PRPSAP2: variants seen among roughly 807,000 people sequenced by gnomAD.
PRPSAP2 encodes phosphoribosyl pyrophosphate synthetase associated protein 2.
In PRPSAP2, 24 loss-of-function variants were observed where a neutral mutation model predicts 40.6. The observed-to-expected ratio is 0.59, with a 90% CI of 0.43 to 0.83. The LOEUF is 0.83. Ranked by LOEUF, PRPSAP2 falls within the 40% of genes least tolerant of loss-of-function variation. The probability of loss-of-function intolerance (pLI) is 0.00; values close to 1 mark genes in which losing one functional copy is unlikely to be tolerated. For synonymous variants in PRPSAP2, 149 were observed against 164.7 expected, an observed-to-expected ratio of 0.90 and a Z score of 0.73; for missense variants, 292 against 465.6, an observed-to-expected ratio of 0.63 and a Z score of 3.43.
chr17:18,889,832 A>G lies in PRPSAP2; in HGVS notation c.539A>G (p.Tyr180Cys). ...TCTTGTCTGTCACAGATCCCAGATT[A>G]CAGGAATGCAGTAATCGTGGCCAAG... is the stretch of plus-strand genomic sequence containing the variant. ...LQYIQEEIPD[Y>C]RNAVIVAKSP... The change falls in exon 8 of 12, where the codon TAC becomes TGC. Residue 180 changes from tyrosine to cysteine, a missense_variant. Physicochemically the swap from Tyr to Cys is radical, Grantham distance 194. This residue lies in a region of PRPSAP2 where 241 missense variants were observed against 425.7 expected (regional missense o/e 0.57). Coordinates refer to ENST00000268835, the MANE Select transcript of PRPSAP2 (RefSeq NM_002767.4). 1.2e-6 allele frequency: 2 copies of G among 1,609,372 alleles called. No individual in the cohort carries two copies. The highest frequency in any genetic ancestry group is 1.7e-6 in the Non-Finnish European group (2 of 1,177,788).
intron 1 of PRPSAP2, chr17:18,860,479 A>G (rs546905230): frequency 6.6e-6 from 1 of 152,350 alleles, no homozygotes; most frequent in African/African-American, 2.4e-5. Context: ...TGGCAGCTGC[A>G]CAGGGTATAC....
At chr17:18,925,114 C>T (rs2041902311) in intron 10 of PRPSAP2, among the ~76,000 whole-genome samples, 1 of 151,320 alleles carries the variant, frequency 6.6e-6, no homozygotes, top group Admixed American at 6.6e-5. Context: ...AGTGAGATTC[C>T]ATCTCAAAAG....
At chr17:18,899,676 A>C (rs142848596) in intron 8 of PRPSAP2, among the ~76,000 whole-genome samples, 58 of 150,852 alleles carry the variant, frequency 3.8e-4, no homozygotes, top group African/African-American at 1.4e-3. Context: ...CTACAGGTGC[A>C]TGCCACCGTG....
intron 1 of PRPSAP2, among the ~76,000 whole-genome samples, chr17:18,863,831 C>CTTTT (rs34770102): frequency 0.011 from 947 of 85,982 alleles, 15 homozygotes; most frequent in African/African-American, 0.033. Flanking sequence ...ACTGCGTGGC[C>CTTTT]TTTTTTTTTT....
intron 9 of PRPSAP2, among the ~76,000 whole-genome samples, chr17:18,913,098 C>T (rs1034378466): frequency 6.6e-6 from 1 of 152,198 alleles, no homozygotes; most frequent in African/African-American, 2.4e-5. Flanking sequence ...TCTAGTGGTT[C>T]TACCAGTCTT....
At chr17:18,889,464 ACAGT>A (rs1388200318) in intron 7 of PRPSAP2, among the ~76,000 whole-genome samples, 2 of 152,216 alleles carry the variant, frequency 1.3e-5, no homozygotes, top group African/African-American at 4.8e-5. Flanking sequence ...TTGGAATTTG[ACAGT>A]CAGCTTGTAT....
chr17:18,917,118 T>C (rs1238205273), intron 9 of PRPSAP2, among the ~76,000 whole-genome samples: 1 of 151,924 alleles, frequency 6.6e-6, no homozygotes, highest in African/African-American at 2.4e-5. Flanking sequence ...TAACATCTTC[T>C]TAATTAAAAA....
intron 8 of PRPSAP2, among the ~76,000 whole-genome samples, chr17:18,896,580 C>CT (rs58391876): frequency 0.51 from 53,686 of 104,686 alleles, 14,910 homozygotes; most frequent in Non-Finnish European, 0.57. Context: ...CCAGATTTTC[C>CT]TTTTTTTTTT....
At chr17:18,874,488 T>A (rs1358958171) in intron 5 of PRPSAP2, among the ~76,000 whole-genome samples, 1 of 152,192 alleles carries the variant, frequency 6.6e-6, no homozygotes, top group Non-Finnish European at 1.5e-5. Flanking sequence ...TCTCTCCTGG[T>A]CTTTGGTTTA....
intron 5 of PRPSAP2, among the ~76,000 whole-genome samples, 189 bp downstream of exon 5, chr17:18,872,838 CTTCT>C (rs745688515): frequency 7.9e-5 from 12 of 151,458 alleles, no homozygotes; most frequent in African/African-American, 2.4e-4. Context: ...AGTGTTTTTC[CTTCT>C]TTCTTTCTTT....
At chr17:18,906,214 GTTTGTTTGTTTGTTTA>G (rs1172770853) in intron 8 of PRPSAP2, among the ~76,000 whole-genome samples, 2 of 151,970 alleles carry the variant, frequency 1.3e-5, no homozygotes, top group African/African-American at 4.8e-5. Context: ...TTGTTTGTTT[GTTTGTTTGTTTGTTTA>G]TTTGAGACAG....
chr17:18,884,673 A>G (rs550214516), intron 7 of PRPSAP2, among the ~76,000 whole-genome samples: 35 of 152,282 alleles, frequency 2.3e-4, no homozygotes, highest in African/African-American at 8.4e-4. Flanking sequence ...TAGTTGAGAG[A>G]GAAGGTGAGA....
At chr17:18,868,983 C>T (rs533758675) in intron 4 of PRPSAP2, among the ~76,000 whole-genome samples, 2 of 152,262 alleles carry the variant, frequency 1.3e-5, no homozygotes, top group South Asian at 4.1e-4. Flanking sequence ...CCCAAGATCC[C>T]TATGTGGCGT....
chr17:18,867,634 C>T (rs548820649), intron 4 of PRPSAP2, among the ~76,000 whole-genome samples: 1 of 152,258 alleles, frequency 6.6e-6, no homozygotes, highest in East Asian at 1.9e-4. Flanking sequence ...TCAACTGTTG[C>T]TTAAATTTAT....
At position 18,931,192 on chromosome 17, in the gene PRPSAP2, TTG is replaced by T. The variant is rs1723544498; in HGVS notation, c.*498_*499del. ...CTGCAACTAAAAAAGGAATAAAAAC[TTG>T]TGTTTGTGTGTTTTTCTAAAACTTT... On this transcript the variant is annotated 3_prime_UTR_variant, in exon 12 of 12. Transcript: ENST00000268835. 1.3e-5 allele frequency: 2 copies of T among 152,218 alleles called. No individual in the cohort carries two copies. Among genetic ancestry groups the T allele is most frequent in the African/African-American group, 4.8e-5 (2 of 41,442 alleles). 9.4% of individuals were successfully genotyped at this position (152,218 alleles called of 1,614,324 possible). A position where few individuals can be genotyped will look rare whatever the true frequency, so the allele number is the denominator to read the frequency against.
Position 18,911,124 on chromosome 17 carries a change from C to A in PRPSAP2, c.606C>A (p.Arg202=). The A allele has an allele frequency of 6.2e-7, 1 of 1,612,504 alleles. No individual in the cohort carries two copies. Among genetic ancestry groups the A allele is most frequent in the Non-Finnish European group, 8.5e-7 (1 of 1,179,036 alleles). Residue 202 remains arginine (R), a synonymous_variant, in exon 9 of 12, where the codon CGC becomes CGA. Transcript: ENST00000268835. This position sits in a 1 kb window ranked among gnomAD's most constrained non-coding sequence, Gnocchi z 4.5. The part of the protein sequence containing the change: ...SAKRAQSFAE[R]LRLGIAVIHG... ...TCAGGGCACAGTCTTTTGCTGAGCG[C>A]CTGCGCCTGGGAATTGCAGTGATTC...
intron 8 of PRPSAP2, among the ~76,000 whole-genome samples, chr17:18,902,953 G>A (rs1403795498): frequency 1.3e-5 from 2 of 151,200 alleles, no homozygotes; most frequent in East Asian, 1.9e-4. Flanking sequence ...GTGCTGCTGT[G>A]CCAGCCATCG....
intron 8 of PRPSAP2, among the ~76,000 whole-genome samples, chr17:18,903,575 A>C (rs2040412758): frequency 6.6e-6 from 1 of 152,052 alleles, no homozygotes; most frequent in South Asian, 2.1e-4. Flanking sequence ...CTCTACCAAA[A>C]ATACAAAAAT....
At chr17:18,917,698 A>G (rs965878037) in intron 9 of PRPSAP2, among the ~76,000 whole-genome samples, 4 of 145,092 alleles carry the variant, frequency 2.8e-5, no homozygotes, top group South Asian at 2.2e-4. Context: ...CGGCCTCCCA[A>G]TGTGCTGGGA....
Sources: allele counts gnomAD v4.1 joint callset (sites outside exome capture counted in the v4.1 genomes callset), GRCh38; gene constraint gnomAD v4.1.1; regional missense constraint gnomAD v4.1.1; non-coding constraint Gnocchi (gnomAD v3.1); transcripts MANE v1.5; gene names NCBI Gene and HGNC (gene_info 2026-07-23, HGNC 2026-07-21).